Variants in TGFBR3 observed in about 807,000 individuals in gnomAD.
TGFBR3 encodes transforming growth factor beta receptor 3.
A neutral mutation model predicts 87.9 loss-of-function variants in TGFBR3; 46 were observed. The observed-to-expected ratio is 0.52, with a 90% CI of 0.41 to 0.67. TGFBR3 has a LOEUF of 0.67. TGFBR3 is among the 30% of genes least tolerant of loss of function. TGFBR3 has a pLI of 0.00. For synonymous variants in TGFBR3, 381 were observed against 391.6 expected (o/e 0.97, Z 0.32); for missense variants, 866 against 1,041.9 (o/e 0.83, Z 2.32).
At position 91,899,710 on chromosome 1, in the gene TGFBR3, C is replaced by T. The variant is rs144958304; in HGVS notation, c.-174-13G>A. The T allele has an allele frequency of 1.7e-3, 256 of 152,292 alleles. 1 individual carries two copies. The highest frequency in any genetic ancestry group is 5.7e-3 in the African/African-American group (238 of 41,556). 9.4% of individuals were successfully genotyped at this position (152,292 alleles called of 1,614,324 possible). ...GTCCTTGCTTTGACTACAAATAAAA[C>T]AAAGAACATTAATTGAGTATAGTTG... On this transcript the variant is annotated splice_polypyrimidine_tract_variant and intron_variant, in intron 1 of 17. Transcript: ENST00000370399.
chr1:91,759,383 CAAAAAAA>C (rs35600646), intron 3 of TGFBR3, among the ~76,000 whole-genome samples: 5 of 84,736 alleles, frequency 5.9e-5, no homozygotes, highest in African/African-American at 1.0e-4. Context: ...CAGCCCCTGT[CAAAAAAA>C]AAAAAAAAAA....
At chr1:91,685,639 T>A (rs1026120997) in intron 16 of TGFBR3, among the ~76,000 whole-genome samples, 2 of 152,102 alleles carry the variant, frequency 1.3e-5, no homozygotes, top group Non-Finnish European at 2.9e-5. Flanking sequence ...TGCTTTTGAC[T>A]TTTTTGGAAA....
At chr1:91,886,225 G>C (rs1679304339), upstream of TGFBR3, 1 of 448,662 alleles carries the variant, frequency 2.2e-6, no homozygotes, top group Non-Finnish European at 4.5e-6. Context: ...GGACGCCACA[G>C]CAATCAGCGC....
chr1:91,840,496 A>ATATCATGCATGATTTTGTAG (rs1677233438), intron 2 of TGFBR3, among the ~76,000 whole-genome samples: 4 of 143,402 alleles, frequency 2.8e-5, no homozygotes, highest in African/African-American at 7.9e-5. Flanking sequence ...TGATTTTGTA[A>ATATCATGCATGATTTTGTAG]TATCATGCAT....
chr1:91,849,647 G>A (rs189924263), intron 2 of TGFBR3, among the ~76,000 whole-genome samples: 1 of 152,268 alleles, frequency 6.6e-6, no homozygotes, highest in African/African-American at 2.4e-5. Flanking sequence ...CTAGAGACAT[G>A]CTTCATAAGG....
intron 2 of TGFBR3, among the ~76,000 whole-genome samples, chr1:91,804,107 G>C (rs1675746343): frequency 6.6e-6 from 1 of 152,062 alleles, no homozygotes; most frequent in East Asian, 1.9e-4. Context: ...GCCAATAAGG[G>C]ACTGTCTGTC....
chr1:91,680,869 T>G lies in TGFBR3; in HGVS notation c.*2870A>C, dbSNP rs1278371397. ...TACAAGGCAAAGAAAAAAACCATTT[T>G]TTTTGTTTAGAAAATGCTATAGAAA... On this transcript the variant is annotated 3_prime_UTR_variant, in exon 17 of 17. Coordinates refer to ENST00000212355, the MANE Select transcript of TGFBR3 (RefSeq NM_003243.5). The G allele has an allele frequency of 2.2e-6, 1 of 447,844 alleles. No individual in the cohort carries two copies. Among genetic ancestry groups the G allele is most frequent in the Admixed American group, 2.4e-5 (1 of 41,662 alleles). 27.7% of individuals were successfully genotyped at this position (447,844 alleles called of 1,614,324 possible).
upstream of TGFBR3, among the ~76,000 whole-genome samples, chr1:91,889,540 T>C (rs1679402733): frequency 6.6e-6 from 1 of 152,234 alleles, no homozygotes; most frequent in Non-Finnish European, 1.5e-5. Flanking sequence ...AGATGTTTTC[T>C]CTTTAAATCT....
At chr1:91,691,186 T>G (rs1175841540) in intron 16 of TGFBR3, among the ~76,000 whole-genome samples, 1 of 151,714 alleles carries the variant, frequency 6.6e-6, no homozygotes, top group African/African-American at 2.4e-5. Flanking sequence ...AGGTTCAACT[T>G]TCAAATAAAA....
At chr1:91,706,635 C>T (rs1671810216) in intron 14 of TGFBR3, among the ~76,000 whole-genome samples, 1 of 152,204 alleles carries the variant, frequency 6.6e-6, no homozygotes, top group Admixed American at 6.5e-5. Context: ...CAACCAGCAG[C>T]CTCTGGGGCT....
At chr1:91,729,266 C>CA (rs2100809270) in intron 6 of TGFBR3, among the ~76,000 whole-genome samples, 1 of 118,790 alleles carries the variant, frequency 8.4e-6, no homozygotes, top group African/African-American at 3.2e-5. Flanking sequence ...AGCCACTCCA[C>CA]CACACACGTG....
intron 2 of TGFBR3, among the ~76,000 whole-genome samples, chr1:91,802,429 C>T (rs1275062069): frequency 2.6e-5 from 4 of 151,750 alleles, no homozygotes; most frequent in Non-Finnish European, 5.9e-5. Context: ...GACGCGCTCT[C>T]AGCTCACTGC....
intron 16 of TGFBR3, 44 bp from the exon 17 acceptor site, chr1:91,683,901 T>A: frequency 6.7e-7 from 1 of 1,491,222 alleles, no homozygotes; most frequent in South Asian, 1.2e-5. Context: ...AAGACGCATA[T>A]TATGTATGTG....
At chr1:91,812,518 G>T (rs1179440400) in intron 2 of TGFBR3, among the ~76,000 whole-genome samples, 1 of 152,106 alleles carries the variant, frequency 6.6e-6, no homozygotes, top group Non-Finnish European at 1.5e-5. Flanking sequence ...GAAGATGTAG[G>T]GCTGCCATTA....
chr1:91,853,103 G>A (rs1463016766), intron 2 of TGFBR3, among the ~76,000 whole-genome samples: 1 of 151,574 alleles, frequency 6.6e-6, no homozygotes, highest in East Asian at 1.9e-4. Context: ...AGGCTGCAGT[G>A]AGCCATGATC....
chr1:91,875,313 A>G (rs1320995543), intron 1 of TGFBR3, among the ~76,000 whole-genome samples: 1 of 152,160 alleles, frequency 6.6e-6, no homozygotes, highest in Non-Finnish European at 1.5e-5. Flanking sequence ...GACATGGGAA[A>G]TACAGAAGGT....
At chr1:91,854,388 G>A (rs758335709) in intron 2 of TGFBR3, among the ~76,000 whole-genome samples, 3 of 151,754 alleles carry the variant, frequency 2.0e-5, no homozygotes, top group East Asian at 3.9e-4. Context: ...ACCAGGTGAC[G>A]CCCTGAAACT....
intron 14 of TGFBR3, among the ~76,000 whole-genome samples, chr1:91,700,433 A>G (rs1671580543): frequency 6.6e-6 from 1 of 152,162 alleles, no homozygotes; most frequent in Non-Finnish European, 1.5e-5. Flanking sequence ...AATTCTCAGG[A>G]TTAACCATCT....
At chr1:91,798,945 G>A (rs996970283) in intron 2 of TGFBR3, among the ~76,000 whole-genome samples, 2 of 152,160 alleles carry the variant, frequency 1.3e-5, no homozygotes, top group African/African-American at 4.8e-5. Context: ...CCCAGGGGAA[G>A]AAGGAACTGG....
Sources: allele counts gnomAD v4.1 joint callset (sites outside exome capture counted in the v4.1 genomes callset), GRCh38; gene constraint gnomAD v4.1.1; transcripts MANE v1.5; gene names NCBI Gene and HGNC (gene_info 2026-07-23, HGNC 2026-07-21).